PRKAR2B: variants seen among roughly 807,000 people sequenced by gnomAD.
PRKAR2B encodes the protein cAMP-dependent protein kinase type II-beta regulatory subunit.
Under a neutral mutation model 49.9 loss-of-function variants are expected in PRKAR2B, and 14 were observed. The ratio of observed to expected loss-of-function variants is 0.28; its 90% CI spans 0.19 to 0.44. The LOEUF is 0.44. PRKAR2B is among the 20% of genes least tolerant of loss of function. The pLI, the probability that PRKAR2B is intolerant of heterozygous loss-of-function variation, is 1.00. For missense variants in PRKAR2B, 393 were observed against 537.9 expected, an observed-to-expected ratio of 0.73 and a Z score of 2.67; for synonymous variants, 196 against 197.7, an observed-to-expected ratio of 0.99 and a Z score of 0.07.
rs1793663958 is a variant in PRKAR2B at position 107,045,118 on chromosome 7, A to G, written c.211A>G (p.Ser71Gly). Residue 71 changes from serine (S) to glycine (G), a missense_variant, in exon 1 of 11, where the codon AGC becomes GGC. Ser to Gly is a moderately conservative substitution (Grantham distance 56, BLOSUM62 0). This residue lies in a region of PRKAR2B where 160 missense variants were observed against 147.6 expected (regional missense o/e 1.08). Transcript: ENST00000265717. ...LGAAAGGGTP[S>G]KGVNFAEEPM... ...CGCCGCTGCCGGGGGCGGCACCCCC[A>G]GCAAGGGGGTCAACTTCGCCGAGGA... The G allele has an allele frequency of 1.3e-6, 2 of 1,524,490 alleles. No homozygotes were observed. The highest frequency in any genetic ancestry group is 1.8e-6 in the Non-Finnish European group (2 of 1,138,560). 94.4% of individuals were successfully genotyped at this position (1,524,490 alleles called of 1,614,324 possible).
intron 2 of PRKAR2B, among the ~76,000 whole-genome samples, chr7:107,107,072 C>T (rs1795085847): frequency 6.6e-6 from 1 of 152,192 alleles, no homozygotes; most frequent in Non-Finnish European, 1.5e-5. Context: ...TGCGGTGGCT[C>T]ACGCCTGTAA....
chr7:107,112,986 A>G (rs1373913126), intron 2 of PRKAR2B, among the ~76,000 whole-genome samples: 2 of 152,176 alleles, frequency 1.3e-5, no homozygotes, highest in Non-Finnish European at 2.9e-5. Flanking sequence ...TCTTATAATT[A>G]TGGCTATATT....
intron 2 of PRKAR2B, among the ~76,000 whole-genome samples, chr7:107,093,512 CT>C (rs58693908): frequency 0.43 from 63,079 of 146,148 alleles, 15,060 homozygotes; most frequent in Non-Finnish European, 0.53. Flanking sequence ...ACTTTTTTTT[CT>C]TTTTTTTTTT....
chr7:107,102,553 C>T (rs1794992339), intron 2 of PRKAR2B, among the ~76,000 whole-genome samples: 1 of 152,150 alleles, frequency 6.6e-6, no homozygotes, highest in Non-Finnish European at 1.5e-5. Context: ...TGAGCAAAGC[C>T]AAGAGCCCTC....
intron 1 of PRKAR2B, among the ~76,000 whole-genome samples, chr7:107,046,026 G>T (rs577639177): frequency 5.9e-5 from 9 of 152,318 alleles, no homozygotes; most frequent in East Asian, 3.9e-4. Context: ...GTGAGTAATT[G>T]TAAGGATTGT....
chr7:107,149,814 A>G (rs1463042081), intron 6 of PRKAR2B, among the ~76,000 whole-genome samples: 1 of 152,194 alleles, frequency 6.6e-6, no homozygotes, highest in East Asian at 1.9e-4. Context: ...CAATAGGGTG[A>G]CCATAGTCAA....
chr7:107,060,248 C>T (rs1794000567), intron 1 of PRKAR2B, among the ~76,000 whole-genome samples: 1 of 151,936 alleles, frequency 6.6e-6, no homozygotes, highest in South Asian at 2.1e-4. Context: ...AGGGTATGTA[C>T]CTAAGTGTGG....
intron 2 of PRKAR2B, among the ~76,000 whole-genome samples, chr7:107,101,010 C>G (rs1429862237): frequency 6.6e-6 from 1 of 151,982 alleles, no homozygotes; most frequent in Non-Finnish European, 1.5e-5. Context: ...CTGCTTTTTT[C>G]TGGAATATGT....
At chr7:107,066,183 C>T (rs1308949695) in intron 1 of PRKAR2B, among the ~76,000 whole-genome samples, 1 of 152,078 alleles carries the variant, frequency 6.6e-6, no homozygotes, top group Non-Finnish European at 1.5e-5. Flanking sequence ...AGGTTATATT[C>T]TCTTAAAAAT....
rs1351367564 is a variant in PRKAR2B, at chr7:107,045,365, G to A, written c.307+151G>A. 6 of 670,890 alleles carry A rather than the reference G, an allele frequency of 8.9e-6. No homozygotes were observed. In the Admixed American group the frequency reaches 1.9e-4, roughly 21 times the overall value. 41.6% of individuals were successfully genotyped at this position (670,890 alleles called of 1,614,324 possible). On this transcript the variant is annotated intron_variant, in intron 1 of 10. Transcript: ENST00000265717. ...CCTTCCCATCTCGCCCACCCCCTCA[G>A]CATCCATTTCTGTCTCTCCCACTCG... is the stretch of plus-strand genomic sequence containing the variant.
At chr7:107,073,767 T>G (rs1347552533) in intron 2 of PRKAR2B, among the ~76,000 whole-genome samples, 1 of 152,102 alleles carries the variant, frequency 6.6e-6, no homozygotes, top group African/African-American at 2.4e-5. Context: ...CAGTACATCC[T>G]TAAGACAGAG....
At chr7:107,114,957 A>C (rs1451666924) in intron 2 of PRKAR2B, among the ~76,000 whole-genome samples, 2 of 152,196 alleles carry the variant, frequency 1.3e-5, no homozygotes, top group African/African-American at 4.8e-5. Flanking sequence ...TACAAAAAAT[A>C]ATGGGCTTAT....
At chr7:107,057,215 T>C (rs1306906118) in intron 1 of PRKAR2B, among the ~76,000 whole-genome samples, 2 of 152,214 alleles carry the variant, frequency 1.3e-5, no homozygotes, top group Non-Finnish European at 2.9e-5. Flanking sequence ...AGCACAGACC[T>C]GTCTCTTTAA....
chr7:107,127,529 A>C lies in PRKAR2B; in HGVS notation c.397-683A>C, dbSNP rs1795519947. Among the ~76,000 whole-genome samples, 4 of 152,192 alleles carry C rather than the reference A, an allele frequency of 2.6e-5. No homozygotes were observed. In the South Asian group the frequency reaches 8.3e-4, roughly 31 times the overall value. ...AATACAAGTTTAGTGAGAATATAGCACACTAGTTTCCTTGAGTTCCTTCTG... is the reference window on the plus strand; with the variant it reads ...AATACAAGTTTAGTGAGAATATAGCCCACTAGTTTCCTTGAGTTCCTTCTG... On this transcript the variant is annotated intron_variant, in intron 3 of 10. Coordinates refer to ENST00000265717, the MANE Select transcript of PRKAR2B (RefSeq NM_002736.3).
intron 1 of PRKAR2B, 33 bp downstream of exon 1, chr7:107,045,247 G>T: frequency 1.4e-6 from 2 of 1,397,250 alleles, no homozygotes. Context: ...CGCGCCCCCG[G>T]ATCCCCTCGC....
chr7:107,113,073 G>T (rs191668143), intron 2 of PRKAR2B, among the ~76,000 whole-genome samples: 1 of 152,244 alleles, frequency 6.6e-6, no homozygotes, highest in Non-Finnish European at 1.5e-5. Flanking sequence ...AATTGGGAAG[G>T]ATTCCGTAAT....
intron 1 of PRKAR2B, among the ~76,000 whole-genome samples, chr7:107,069,166 C>A (rs958256877): frequency 1.6e-4 from 25 of 152,194 alleles, no homozygotes; most frequent in African/African-American, 5.3e-4. Context: ...AAACTCCTCA[C>A]CTCAGGTGAT....
intron 2 of PRKAR2B, among the ~76,000 whole-genome samples, chr7:107,115,829 A>T (rs1398768623): frequency 6.6e-6 from 1 of 152,194 alleles, no homozygotes; most frequent in African/African-American, 2.4e-5. Context: ...CTGACCATAT[A>T]ACTTGTCTAA....
intron 2 of PRKAR2B, among the ~76,000 whole-genome samples, chr7:107,104,157 A>G (rs560069550): frequency 8.5e-5 from 13 of 152,118 alleles, no homozygotes; most frequent in Admixed American, 8.5e-4. Flanking sequence ...TCAGCCTCCC[A>G]AGTAGCTAGG....
Sources: allele counts gnomAD v4.1 joint callset (sites outside exome capture counted in the v4.1 genomes callset), GRCh38; gene constraint gnomAD v4.1.1; regional missense constraint gnomAD v4.1.1; transcripts MANE v1.5; gene names NCBI Gene and HGNC (gene_info 2026-07-23, HGNC 2026-07-21).